Variants in SGCD observed in about 807,000 individuals in gnomAD.
SGCD encodes delta-sarcoglycan.
Under a neutral mutation model 36.6 loss-of-function variants are expected in SGCD, and 18 were observed. That is an observed-to-expected ratio of 0.49 (90% CI 0.34 to 0.73). SGCD has a LOEUF of 0.73. SGCD is among the 30% of genes least tolerant of loss of function. The pLI is 0.01. For missense variants in SGCD, 387 were observed against 346.7 expected, an observed-to-expected ratio of 1.12 and a Z score of -0.92; for synonymous variants, 133 against 130.6, an observed-to-expected ratio of 1.02 and a Z score of -0.12.
chr5:156,366,280 A>G (rs1007909403), intron 3 of SGCD, among the ~76,000 whole-genome samples: 1 of 152,242 alleles, frequency 6.6e-6, no homozygotes, highest in African/African-American at 2.4e-5. Context: ...TGATGAAAAC[A>G]ATTCACAAAT....
Position 156,573,714 on chromosome 5 carries a change from T to A in SGCD, c.295-15517T>A, listed in dbSNP as rs147739594. On this transcript the variant is annotated intron_variant, in intron 4 of 8. Coordinates refer to ENST00000337851, the MANE Select transcript of SGCD (RefSeq NM_000337.6). ...TATTTTTTATTAATTTTTTTAGAGATGGGGGGTCTCACTCTATCACCCAGT... is the reference window on the plus strand; with the variant it reads ...TATTTTTTATTAATTTTTTTAGAGAAGGGGGGTCTCACTCTATCACCCAGT... 4.5e-3 allele frequency among the ~76,000 whole-genome samples: 692 copies of A among 152,176 alleles called. 4 individuals carry two copies. Among genetic ancestry groups the A allele is most frequent in the African/African-American group, 0.014 (573 of 41,526 alleles).
chr5:156,117,795 A>T (rs1761940776), intron 1 of SGCD: 1 of 152,112 alleles, frequency 6.6e-6, no homozygotes, highest in Non-Finnish European at 1.5e-5. Context: ...GCATTCTATG[A>T]TATCAAAACA....
chr5:155,876,356 C>T (rs1755768119), intron 1 of SGCD, among the ~76,000 whole-genome samples: 1 of 151,876 alleles, frequency 6.6e-6, no homozygotes, highest in African/African-American at 2.4e-5. Flanking sequence ...ATCTGTATAT[C>T]TTTCCATTTT....
chr5:156,432,841 C>T (rs1753080232), intron 3 of SGCD, among the ~76,000 whole-genome samples: 1 of 152,154 alleles, frequency 6.6e-6, no homozygotes, highest in African/African-American at 2.4e-5. Flanking sequence ...GGTTTAGATC[C>T]AGGCAGCCTG....
the SGCD span, among the ~76,000 whole-genome samples, chr5:155,792,072 G>A: frequency 6.6e-6 from 1 of 151,930 alleles, no homozygotes; most frequent in Non-Finnish European, 1.5e-5. Context: ...ATAAACCAAT[G>A]AAACAGAGCT....
intron 3 of SGCD, among the ~76,000 whole-genome samples, chr5:156,151,613 C>T (rs1017188565): frequency 2.0e-5 from 3 of 151,432 alleles, no homozygotes; most frequent in Non-Finnish European, 2.9e-5. Context: ...AGTAAAAGGA[C>T]ATCAACTTCT....
intron 8 of SGCD, 119 bp from the exon 9 acceptor site, chr5:156,759,098 C>A: frequency 1.3e-6 from 1 of 744,086 alleles, no homozygotes; most frequent in Non-Finnish European, 2.3e-6. Context: ...AAATAATCAA[C>A]ACATAGTAGG....
intron 1 of SGCD, among the ~76,000 whole-genome samples, chr5:155,991,243 G>GGT (rs1296590332): frequency 3.3e-5 from 5 of 152,226 alleles, no homozygotes; most frequent in Admixed American, 2.6e-4. Context: ...CCATTTCATG[G>GGT]GTGCACACAC....
At chr5:156,182,463 G>T (rs1415020372) in intron 3 of SGCD, among the ~76,000 whole-genome samples, 1 of 152,100 alleles carries the variant, frequency 6.6e-6, no homozygotes, top group African/African-American at 2.4e-5. Flanking sequence ...TGATGGCACA[G>T]GCCTGTAGTC....
chr5:156,226,183 T>C (rs1391309627), intron 3 of SGCD, among the ~76,000 whole-genome samples: 2 of 152,128 alleles, frequency 1.3e-5, no homozygotes, highest in Non-Finnish European at 2.9e-5. Context: ...CAGTATACAC[T>C]GTACCCTATT....
intron 1 of SGCD, among the ~76,000 whole-genome samples, chr5:156,056,410 T>C (rs1325295168): frequency 6.9e-6 from 1 of 145,254 alleles, no homozygotes; most frequent in Non-Finnish European, 1.5e-5. Flanking sequence ...GTTGTTCCTA[T>C]GAATAACATC....
chr5:156,068,478 T>C (rs1760411762), intron 1 of SGCD, among the ~76,000 whole-genome samples: 1 of 152,164 alleles, frequency 6.6e-6, no homozygotes, highest in South Asian at 2.1e-4. Flanking sequence ...CTGCATAGTA[T>C]TCCATGGTGT....
chr5:156,421,011 T>C (rs1385205460), intron 3 of SGCD, among the ~76,000 whole-genome samples: 1 of 147,318 alleles, frequency 6.8e-6, no homozygotes, highest in Non-Finnish European at 1.5e-5. Context: ...TTCCAGTGTC[T>C]TTCTTTCAAC....
intron 6 of SGCD, among the ~76,000 whole-genome samples, chr5:156,622,499 ATCTTT>A (rs1352990516): frequency 1.1e-4 from 17 of 148,842 alleles, no homozygotes; most frequent in Non-Finnish European, 2.1e-4. Context: ...GGAAAGTCAT[ATCTTT>A]TCTTCACCCC....
intron 1 of SGCD, among the ~76,000 whole-genome samples, chr5:155,882,936 G>T (rs1000374413): frequency 1.3e-5 from 2 of 152,162 alleles, no homozygotes; most frequent in Non-Finnish European, 2.9e-5. Flanking sequence ...AAGCTGATTT[G>T]TATACACTGA....
At chr5:155,741,965 G>T in the SGCD span, among the ~76,000 whole-genome samples, 1 of 152,106 alleles carries the variant, frequency 6.6e-6, no homozygotes, top group African/African-American at 2.4e-5. Context: ...AATTACAGGC[G>T]TGAGCCACTG....
chr5:156,179,000 G>C (rs6861703), intron 3 of SGCD, among the ~76,000 whole-genome samples: 2 of 151,704 alleles, frequency 1.3e-5, no homozygotes, highest in Non-Finnish European at 2.9e-5. Flanking sequence ...AAGATCAAAG[G>C]TAGGTTTTAG....
rs144468686 is a variant in SGCD at position 156,388,734 on chromosome 5, A to G, written c.192+44057A>G. Reference sequence around the variant, plus strand: ...AATGTAACTTCTAAAATTTCCTCCCACTTTTTCTAAACTTCCAATATTTTT... The same window carrying G: ...AATGTAACTTCTAAAATTTCCTCCCGCTTTTTCTAAACTTCCAATATTTTT... On this transcript the variant is annotated intron_variant, in intron 3 of 8. Transcript: ENST00000337851. Among the ~76,000 whole-genome samples the G allele has an allele frequency of 8.5e-4, 129 of 152,292 alleles. 2 individuals carry two copies. In the East Asian group the frequency reaches 0.023, roughly 27 times the overall value.
At chr5:156,173,621 T>C (rs1763393192) in intron 3 of SGCD, among the ~76,000 whole-genome samples, 1 of 152,202 alleles carries the variant, frequency 6.6e-6, no homozygotes, top group African/African-American at 2.4e-5. Flanking sequence ...CATCACTATT[T>C]TTATTTATAG....
Sources: allele counts gnomAD v4.1 joint callset (sites outside exome capture counted in the v4.1 genomes callset), GRCh38; gene constraint gnomAD v4.1.1; transcripts MANE v1.5; gene names NCBI Gene and HGNC (gene_info 2026-07-23, HGNC 2026-07-21).